The following RSBN1L variants were observed in gnomAD, a reference collection of about 807,000 sequenced individuals.
RSBN1L encodes lysine-specific demethylase RSBN1L.
Under a neutral mutation model 67.7 loss-of-function variants are expected in RSBN1L, and 30 were observed. The ratio of observed to expected loss-of-function variants is 0.44; its 90% CI spans 0.33 to 0.60. The LOEUF is 0.60. Among genes scored for constraint, RSBN1L ranks in the 20% least tolerant of loss-of-function variants. The pLI, the probability that RSBN1L is intolerant of heterozygous loss-of-function variation, is 0.02. For missense variants in RSBN1L, 992 were observed against 1,031.7 expected, an observed-to-expected ratio of 0.96 and a Z score of 0.53; for synonymous variants, 433 against 387.0, an observed-to-expected ratio of 1.12 and a Z score of -1.39.
chr7:77,731,841 T>C (rs1009322399), intron 1 of RSBN1L, among the ~76,000 whole-genome samples: 2 of 152,014 alleles, frequency 1.3e-5, no homozygotes, highest in African/African-American at 4.8e-5. Context: ...TCTCCTAGTT[T>C]AGACTTTTTT....
At chr7:77,729,953 C>CA (rs1791253312) in intron 1 of RSBN1L, among the ~76,000 whole-genome samples, 3 of 151,872 alleles carry the variant, frequency 2.0e-5, no homozygotes. Context: ...AACCCTGTCT[C>CA]AAAAAAACAA....
intron 1 of RSBN1L, among the ~76,000 whole-genome samples, chr7:77,724,405 A>G (rs951207395): frequency 6.6e-6 from 1 of 151,558 alleles, no homozygotes; most frequent in African/African-American, 2.4e-5. Flanking sequence ...AATACATAAT[A>G]TATGAATCCC....
chr7:77,708,922 A>G (rs1584274951), intron 1 of RSBN1L, among the ~76,000 whole-genome samples: 4 of 152,332 alleles, frequency 2.6e-5, no homozygotes, highest in South Asian at 2.1e-4. Context: ...ATGATAAAGC[A>G]TCTTGATTAT....
At chr7:77,741,685 C>T (rs1170380138) in intron 2 of RSBN1L, among the ~76,000 whole-genome samples, 25 of 138,204 alleles carry the variant, frequency 1.8e-4, no homozygotes, top group Non-Finnish European at 1.8e-4. Flanking sequence ...GAGCAAGACT[C>T]GGTCTCAAAA....
chr7:77,744,211 G>T (rs1244454134), intron 2 of RSBN1L, among the ~76,000 whole-genome samples: 6 of 150,586 alleles, frequency 4.0e-5, no homozygotes, highest in Middle Eastern at 3.5e-3. Context: ...AAAAAAAAAA[G>T]ATTTTGTAGA....
chr7:77,696,710 G>T lies in RSBN1L; in HGVS notation c.241G>T (p.Gly81Cys). Reference protein sequence around the residue: ...PPAAPSPQSYGSPASWSFAPL... With the variant: ...PPAAPSPQSYCSPASWSFAPL... ...GGCAGCACCTTCGCCTCAGAGCTAT[G>T]GCAGCCCCGCGTCTTGGAGCTTTGC... The change falls in exon 1 of 8, where the codon GGC (glycine) becomes TGC (cysteine). Residue 81 changes from glycine to cysteine, a missense_variant. Coordinates refer to ENST00000334955, the MANE Select transcript of RSBN1L (RefSeq NM_198467.3). The T allele has an allele frequency of 4.3e-6, 7 of 1,613,466 alleles. No individual in the cohort carries two copies. Among genetic ancestry groups the T allele is most frequent in the Admixed American group, 1.7e-5 (1 of 60,004 alleles).
intron 1 of RSBN1L, among the ~76,000 whole-genome samples, chr7:77,719,912 G>A (rs879357033): frequency 6.6e-6 from 1 of 152,056 alleles, no homozygotes; most frequent in Non-Finnish European, 1.5e-5. Context: ...CTATAGGTGC[G>A]CACCACTGTG....
chr7:77,742,241 A>T (rs554895366), intron 2 of RSBN1L, among the ~76,000 whole-genome samples: 1 of 150,546 alleles, frequency 6.6e-6, no homozygotes, highest in Non-Finnish European at 1.5e-5. Context: ...TCTTTAAAAA[A>T]ATATACAGAC....
intron 2 of RSBN1L, among the ~76,000 whole-genome samples, chr7:77,742,523 G>T (rs887218726): frequency 3.3e-5 from 5 of 152,122 alleles, no homozygotes; most frequent in African/African-American, 1.2e-4. Context: ...CTCCCAGAAG[G>T]AAAACAAGTG....
intron 1 of RSBN1L, among the ~76,000 whole-genome samples, chr7:77,729,913 C>A (rs1791252614): frequency 6.6e-6 from 1 of 152,116 alleles, no homozygotes; most frequent in African/African-American, 2.4e-5. Context: ...GTGGTCATGC[C>A]ACTGCACTCC....
chr7:77,729,929 A>T (rs1292748896), intron 1 of RSBN1L, among the ~76,000 whole-genome samples: 1 of 152,138 alleles, frequency 6.6e-6, no homozygotes, highest in Non-Finnish European at 1.5e-5. Context: ...ACTCCAGTCC[A>T]TGTGACAGAG....
intron 1 of RSBN1L, among the ~76,000 whole-genome samples, chr7:77,702,280 A>G (rs1790828894): frequency 6.6e-6 from 1 of 152,188 alleles, no homozygotes; most frequent in Non-Finnish European, 1.5e-5. Context: ...TTAAGCCTTT[A>G]ATAAGAATTT....
intron 1 of RSBN1L, among the ~76,000 whole-genome samples, chr7:77,711,491 C>T (rs759257839): frequency 1.1e-4 from 16 of 151,948 alleles, no homozygotes; most frequent in Admixed American, 2.0e-4. Context: ...AGGTGAGCAC[C>T]ACTACACCTG....
chr7:77,778,670 A>T lies in RSBN1L; in HGVS notation c.2043A>T (p.Val681=), dbSNP rs748946165. Residue 681 remains valine, a synonymous_variant, in exon 8 of 8, where the codon GTA becomes GTT. Coordinates refer to ENST00000334955, the MANE Select transcript of RSBN1L (RefSeq NM_198467.3). ...ATCAGTTCAAGACAGTTTCAGCTGT[A>T]TGCAGTTTAGCATGGCATATTCGGC... ...VVHQFKTVSA[V]CSLAWHIRLK... is the part of the protein sequence containing the mutation. 3.1e-6 allele frequency: 5 copies of T among 1,613,994 alleles called. No homozygotes were observed. Among genetic ancestry groups the T allele is most frequent in the Non-Finnish European group, 4.2e-6 (5 of 1,180,010 alleles).
At chr7:77,714,888 G>A (rs551410290) in intron 1 of RSBN1L, among the ~76,000 whole-genome samples, 4 of 151,186 alleles carry the variant, frequency 2.6e-5, no homozygotes, top group African/African-American at 4.9e-5. Context: ...GCGTGAATCC[G>A]GGAGGCGGAG....
chr7:77,771,920 A>C (rs1791855222), intron 5 of RSBN1L, among the ~76,000 whole-genome samples: 1 of 151,994 alleles, frequency 6.6e-6, no homozygotes, highest in African/African-American at 2.4e-5. Context: ...TTTTAGATGT[A>C]CTTTAAGGGG....
intron 2 of RSBN1L, among the ~76,000 whole-genome samples, chr7:77,736,923 C>T (rs943780932): frequency 1.3e-5 from 2 of 152,160 alleles, no homozygotes; most frequent in Non-Finnish European, 2.9e-5. Context: ...ATTTGACTGT[C>T]ATCACCATAC....
chr7:77,747,799 C>G (rs764166152), intron 2 of RSBN1L, among the ~76,000 whole-genome samples: 7 of 152,074 alleles, frequency 4.6e-5, no homozygotes, highest in Non-Finnish European at 8.8e-5. Flanking sequence ...CATTCTTATA[C>G]TGCTATAAAG....
intron 1 of RSBN1L, among the ~76,000 whole-genome samples, chr7:77,718,694 AGACTT>A (rs769853322): frequency 5.3e-5 from 8 of 152,244 alleles, no homozygotes; most frequent in Admixed American, 2.0e-4. Flanking sequence ...ATCTATAATA[AGACTT>A]TGTGAAGGCT....
Sources: gnomAD v4.1 joint callset for allele counts (sites outside exome capture counted in the v4.1 genomes callset) on GRCh38, gnomAD v4.1.1 for gene constraint, MANE v1.5 for transcripts, NCBI Gene and HGNC (gene_info 2026-07-23, HGNC 2026-07-21) for gene names.